Variants in CRISP1 observed in about 807,000 individuals in gnomAD.
The protein encoded by CRISP1 is cysteine-rich secretory protein 1.
Under a neutral mutation model 33.1 loss-of-function variants are expected in CRISP1, and 44 were observed. The observed-to-expected ratio is 1.33, with a 90% CI of 1.05 to 1.71. CRISP1 has a LOEUF of 1.71. Among genes scored for constraint, CRISP1 ranks in the 40% most tolerant of loss-of-function variants. The pLI, the probability that CRISP1 is intolerant of heterozygous loss-of-function variation, is 0.00. For synonymous variants in CRISP1, 103 were observed against 98.7 expected (o/e 1.04, Z -0.26); for missense variants, 390 against 301.2 (o/e 1.29, Z -2.18).
chr6:49,846,672 A>T lies in CRISP1; in HGVS notation c.287-4T>A, dbSNP rs754331909. ...ATATTTTCTCCACAAAAGGTATCTG[A>T]AATGAGAAAACGGGCTGGGTCATAC... On this transcript the variant is annotated splice_polypyrimidine_tract_variant and splice_region_variant and intron_variant, in intron 4 of 7. Transcript: ENST00000335847. The T allele has an allele frequency of 1.2e-6, 2 of 1,612,872 alleles. No individual in the cohort carries two copies. Among genetic ancestry groups the T allele is most frequent in the South Asian group, 2.2e-5 (2 of 90,926 alleles).
At chr6:49,865,193 T>C (rs1440980839) in intron 1 of CRISP1, among the ~76,000 whole-genome samples, 1 of 152,140 alleles carries the variant, frequency 6.6e-6, no homozygotes, top group Non-Finnish European at 1.5e-5. Flanking sequence ...CAAATTCACA[T>C]ACATAGTCAT....
chr6:49,844,667 G>A (rs1237203783), intron 5 of CRISP1, among the ~76,000 whole-genome samples: 2 of 152,192 alleles, frequency 1.3e-5, no homozygotes, highest in East Asian at 1.9e-4. Context: ...TTGGCCAAGA[G>A]TGCAGAGCAT....
chr6:49,836,473 C>T (rs1294021070), intron 7 of CRISP1, among the ~76,000 whole-genome samples: 2 of 151,256 alleles, frequency 1.3e-5, no homozygotes, highest in Admixed American at 1.3e-4. Context: ...GTAGCTGGGA[C>T]TACAGGCGCC....
upstream of CRISP1, among the ~76,000 whole-genome samples, chr6:49,869,235 A>G (rs1771868602): frequency 6.6e-6 from 1 of 152,058 alleles, no homozygotes; most frequent in South Asian, 2.1e-4. Context: ...CTGCTTCCAA[A>G]TTGATTTACT....
intron 1 of CRISP1, among the ~76,000 whole-genome samples, chr6:49,861,492 A>G (rs1242747898): frequency 6.6e-6 from 1 of 152,142 alleles, no homozygotes; most frequent in African/African-American, 2.4e-5. Context: ...AAATAAAGGA[A>G]AAGAACCATA....
At position 49,848,278 on chromosome 6, in the gene CRISP1, G is replaced by A. The variant is rs1433494777; in HGVS notation, c.217C>T (p.Gln73Ter). 2.5e-6 allele frequency: 4 copies of A among 1,601,362 alleles called. No individual in the cohort carries two copies. The South Asian group carries it at 3.4e-5, about 13-fold the overall frequency. Reference protein sequence around the residue: ...LKMSWSEEAAQNARIFSKYCD... With the variant: ...LKMSWSEEAA ...TACTTTGAAAAAATTCTGGCATTTT[G>A]TGCAGCCTCTTCACTCCAACTCTGT... The change falls in exon 4 of 8, where the codon CAA becomes TAA. Residue 73 changes from glutamine (Q) to a stop codon, truncating the protein, a stop_gained. Transcript: ENST00000335847. LOFTEE classifies it high-confidence loss of function.
upstream of CRISP1, among the ~76,000 whole-genome samples, chr6:49,868,854 T>C (rs12200365): frequency 0.097 from 14,736 of 152,176 alleles, 993 homozygotes; most frequent in Non-Finnish European, 0.15. Flanking sequence ...TACTCTAGAC[T>C]TTAACAAATT....
At chr6:49,865,430 T>G (rs1198141991) in intron 1 of CRISP1, among the ~76,000 whole-genome samples, 1 of 152,204 alleles carries the variant, frequency 6.6e-6, no homozygotes, top group Non-Finnish European at 1.5e-5. Flanking sequence ...AAGACATAAA[T>G]ACCAGCTATT....
chr6:49,875,549 T>C (rs757255947), intron 1 of CRISP1, among the ~76,000 whole-genome samples: 1 of 152,016 alleles, frequency 6.6e-6, no homozygotes, highest in Non-Finnish European at 1.5e-5. Flanking sequence ...AACATTTTAT[T>C]TTAAAATGTA....
chr6:49,860,243 T>C (rs1771609643), intron 1 of CRISP1, among the ~76,000 whole-genome samples: 1 of 152,136 alleles, frequency 6.6e-6, no homozygotes, highest in African/African-American at 2.4e-5. Flanking sequence ...AAACATTGGA[T>C]TTAAGTTGGA....
At chr6:49,836,262 C>T (rs1394574909) in intron 7 of CRISP1, among the ~76,000 whole-genome samples, 1 of 152,016 alleles carries the variant, frequency 6.6e-6, no homozygotes, top group Non-Finnish European at 1.5e-5. Flanking sequence ...CATTATATCT[C>T]TTATCCTTCA....
At position 49,848,264 on chromosome 6, in the gene CRISP1, A is replaced by C; in HGVS notation, c.231T>G (p.Ile77Met). Residue 77 changes from isoleucine to methionine, a missense_variant, in exon 4 of 8, where the codon ATT becomes ATG. Physicochemically the swap from Ile to Met is conservative, Grantham distance 10. Transcript: ENST00000335847. Reference protein sequence around the residue: ...WSEEAAQNARIFSKYCDMTES... With the variant: ...WSEEAAQNARMFSKYCDMTES... ...CTGTCATATCACAATACTTTGAAAA[A>C]ATTCTGGCATTTTGTGCAGCCTCTT... 1 of 1,608,960 alleles carries C rather than the reference A, an allele frequency of 6.2e-7. No homozygotes were observed.
At chr6:49,844,286 A>C (rs1412287885) in intron 5 of CRISP1, among the ~76,000 whole-genome samples, 1 of 152,200 alleles carries the variant, frequency 6.6e-6, no homozygotes, top group Non-Finnish European at 1.5e-5. Context: ...GTTTGAACTA[A>C]AGTGGACAGA....
At chr6:49,837,471 A>C (rs1433782766) in intron 7 of CRISP1, among the ~76,000 whole-genome samples, 2 of 151,138 alleles carry the variant, frequency 1.3e-5, no homozygotes, top group Non-Finnish European at 2.9e-5. Flanking sequence ...GTGGGGAGGA[A>C]TCTCTCTCCA....
At chr6:49,836,065 A>T (rs1770780771) in intron 7 of CRISP1, among the ~76,000 whole-genome samples, 1 of 152,178 alleles carries the variant, frequency 6.6e-6, no homozygotes, top group African/African-American at 2.4e-5. Context: ...ATTTGTGGCA[A>T]TAGCACCAAA....
chr6:49,840,324 T>C (rs2127469438), intron 6 of CRISP1, among the ~76,000 whole-genome samples: 1 of 152,348 alleles, frequency 6.6e-6, no homozygotes, highest in South Asian at 2.1e-4. Context: ...TTAAATTTTC[T>C]AGGAATTGTG....
intron 2 of CRISP1, among the ~76,000 whole-genome samples, chr6:49,855,236 C>T (rs1005864518): frequency 2.0e-5 from 3 of 152,158 alleles, no homozygotes; most frequent in Admixed American, 6.5e-5. Flanking sequence ...GCCTCTCTCC[C>T]ACTCCGTGAT....
At chr6:49,874,383 A>G (rs574241999) in intron 1 of CRISP1, among the ~76,000 whole-genome samples, 1 of 152,100 alleles carries the variant, frequency 6.6e-6, no homozygotes, top group Non-Finnish European at 1.5e-5. Context: ...TCTTCCCTTC[A>G]TGTTCTTCCA....
intron 5 of CRISP1, among the ~76,000 whole-genome samples, chr6:49,844,909 C>G (rs1427786904): frequency 6.6e-6 from 1 of 152,090 alleles, no homozygotes; most frequent in Non-Finnish European, 1.5e-5. Context: ...CATCTTGAAT[C>G]TCATGCATTT....
Sources: gnomAD v4.1 joint callset for allele counts (sites outside exome capture counted in the v4.1 genomes callset) on GRCh38, gnomAD v4.1.1 for gene constraint, MANE v1.5 for transcripts, NCBI Gene and HGNC (gene_info 2026-07-23, HGNC 2026-07-21) for gene names.